RRN3: variants seen among roughly 807,000 people sequenced by gnomAD.
The protein encoded by RRN3 is RNA polymerase I-specific transcription initiation factor RRN3.
RRN3 carries 38 observed loss-of-function variants against 82.3 expected under a neutral mutation model. The ratio of observed to expected loss-of-function variants is 0.46; its 90% CI spans 0.36 to 0.61. The LOEUF is 0.61. Among genes scored for constraint, RRN3 ranks in the 20% least tolerant of loss-of-function variants. The pLI, the probability that RRN3 is intolerant of heterozygous loss-of-function variation, is 0.00. For missense variants in RRN3, 726 were observed against 793.1 expected, an observed-to-expected ratio of 0.92 and a Z score of 1.02; for synonymous variants, 284 against 284.3, an observed-to-expected ratio of 1.00 and a Z score of 0.01.
intron 1 of RRN3, among the ~76,000 whole-genome samples, chr16:15,093,010 ATTTTT>A (rs557028723): frequency 2.0e-5 from 3 of 148,286 alleles, no homozygotes; most frequent in Non-Finnish European, 3.0e-5. Context: ...ACGTGGCTGG[ATTTTT>A]TTTTTTGAGA....
At chr16:15,071,702 A>C (rs1250109148) in intron 12 of RRN3, among the ~76,000 whole-genome samples, 1 of 152,220 alleles carries the variant, frequency 6.6e-6, no homozygotes, top group Non-Finnish European at 1.5e-5. Context: ...CAGGAGGCAG[A>C]GGTTGCAGTG....
At chr16:15,077,918 C>A (rs1221672761) in intron 9 of RRN3, among the ~76,000 whole-genome samples, 1 of 152,190 alleles carries the variant, frequency 6.6e-6, no homozygotes. Flanking sequence ...TGGACTAATA[C>A]AATCTCTATG....
chr16:15,087,316 A>G (rs565753359), intron 3 of RRN3, among the ~76,000 whole-genome samples: 27 of 152,308 alleles, frequency 1.8e-4, no homozygotes, highest in African/African-American at 5.5e-4. Context: ...CTAATCCTAA[A>G]AACTCTGCAA....
Position 15,086,211 on chromosome 16 carries a change from C to T in RRN3, c.390G>A (p.Leu130=), listed in dbSNP as rs1567220135. Residue 130 remains leucine (L), a synonymous_variant, in exon 5 of 18, where the codon TTG becomes TTA. Transcript: ENST00000198767. ...NRSQTVVEEY[L]AFLGNLVSAQ... is the part of the protein sequence containing the mutation. ...CTGATACAAGATTACCAAGAAAAGCCAAATACTCTTCCACTACTGTTTGAC... is the reference window on the plus strand; with the variant it reads ...CTGATACAAGATTACCAAGAAAAGCTAAATACTCTTCCACTACTGTTTGAC... The T allele has an allele frequency of 3.8e-6, 6 of 1,587,178 alleles. No homozygotes were observed. Among genetic ancestry groups the T allele is most frequent in the Non-Finnish European group, 4.3e-6 (5 of 1,160,112 alleles).
In RRN3 at chr16:15,075,006, T is replaced by G. The variant is rs549035840; in HGVS notation, c.859-145A>C. ...GGCTCACATCTATAAGCCCAGCACT[T>G]TGGGAAGCAGAGGTGGGGGGATCAC... On this transcript the variant is annotated intron_variant, in intron 10 of 17. Transcript: ENST00000198767. The G allele has an allele frequency of 3.8e-5, 31 of 806,910 alleles. No homozygotes were observed. In the East Asian group the frequency reaches 8.7e-4, roughly 23 times the overall value. 50.0% of individuals were successfully genotyped at this position (806,910 alleles called of 1,614,324 possible).
chr16:15,063,114 A>G (rs2941259), intron 17 of RRN3, 82 bp downstream of exon 17: 767,817 of 1,065,064 alleles, frequency 0.72, 281,129 homozygotes, highest in Middle Eastern at 0.78. Flanking sequence ...ACACGCACGA[A>G]CGACTTGCCA....
chr16:15,087,156 G>C (rs1273810413), intron 3 of RRN3, among the ~76,000 whole-genome samples: 2 of 152,006 alleles, frequency 1.3e-5, no homozygotes, highest in African/African-American at 4.8e-5. Context: ...AAACCATTAA[G>C]AAAAAGCCCC....
chr16:15,085,564 C>T (rs189668309), intron 6 of RRN3, 75 bp downstream of exon 6: 20 of 1,575,866 alleles, frequency 1.3e-5, no homozygotes, highest in Middle Eastern at 1.7e-4. Flanking sequence ...GTGATCCTCC[C>T]GTCTTGGCTT....
chr16:15,062,136 G>C (rs192397130), intron 17 of RRN3, among the ~76,000 whole-genome samples: 3 of 152,202 alleles, frequency 2.0e-5, no homozygotes, highest in African/African-American at 7.2e-5. Context: ...GCAACATAGC[G>C]AGACCATGTC....
intron 1 of RRN3, among the ~76,000 whole-genome samples, chr16:15,093,159 C>T (rs760643447): frequency 6.6e-6 from 1 of 152,156 alleles, no homozygotes; most frequent in Non-Finnish European, 1.5e-5. Context: ...CACCTGCCAC[C>T]ATGCCCGGCT....
intron 1 of RRN3, chr16:15,093,925 G>A: frequency 1.8e-6 from 1 of 548,388 alleles, no homozygotes; most frequent in South Asian, 2.4e-5. Context: ...CGGGAAAGGG[G>A]GCCTCCAGAA....
Position 15,094,196 on chromosome 16 carries a change from T to C in RRN3, c.38A>G (p.Asp13Gly), listed in dbSNP as rs2046259941. The change falls in exon 1 of 18, where the codon GAT becomes GGT. Residue 13 changes from aspartate (D) to glycine (G), a missense_variant. Around this residue, in one of 4 missense-constraint regions of RRN3, gnomAD observed 135 missense variants for 87.4 expected, o/e 1.55. Transcript: ENST00000198767. The part of the protein sequence containing the change: ...APLLHTRLPG[D>G]AAASSSAVKK... The stretch of plus-strand genomic sequence containing the variant: ...AACTGCAGAGGACGAAGCGGCCGCA[T>C]CTCCCGGCAAACGCGTGTGAAGCAG... The C allele has an allele frequency of 6.2e-7, 1 of 1,600,432 alleles. No homozygotes were observed. The highest frequency in any genetic ancestry group is 1.3e-5 in the African/African-American group (1 of 74,922).
chr16:15,068,749 TC>T (rs2045092077), intron 14 of RRN3, among the ~76,000 whole-genome samples: 2 of 152,202 alleles, frequency 1.3e-5, no homozygotes, highest in Admixed American at 1.3e-4. Context: ...ACAAGAAAAC[TC>T]CAAATTTGCC....
chr16:15,066,401 G>C (rs538013753), intron 15 of RRN3, among the ~76,000 whole-genome samples: 8 of 152,246 alleles, frequency 5.3e-5, no homozygotes, highest in Admixed American at 2.6e-4. Context: ...GGGAGGTTGA[G>C]GCAGGCGGTT....
chr16:15,089,582 C>G lies in RRN3; in HGVS notation c.252+1733G>C, dbSNP rs77808777. Reference sequence around the variant, plus strand: ...TTGGGAGGCCAAGGCGGGCGGATCACGAGGTCAGAAGATCGAGACCATCCT... The same window carrying G: ...TTGGGAGGCCAAGGCGGGCGGATCAGGAGGTCAGAAGATCGAGACCATCCT... On this transcript the variant is annotated intron_variant, in intron 3 of 17. Coordinates refer to ENST00000198767, the MANE Select transcript of RRN3 (RefSeq NM_018427.5). 2.0e-5 allele frequency among the ~76,000 whole-genome samples: 3 copies of G among 151,306 alleles called. No homozygotes were observed. The South Asian group carries it at 6.3e-4, about 32-fold the overall frequency.
intron 4 of RRN3, 48 bp from the exon 5 acceptor site, chr16:15,086,306 T>C: frequency 6.2e-7 from 1 of 1,603,384 alleles, no homozygotes; most frequent in Non-Finnish European, 8.5e-7. Flanking sequence ...TAATATAACA[T>C]ATACTATTAC....
At chr16:15,064,931 C>T (rs980612335) in intron 16 of RRN3, among the ~76,000 whole-genome samples, 10 of 152,312 alleles carry the variant, frequency 6.6e-5, no homozygotes, top group African/African-American at 2.4e-4. Context: ...CTTTGGGAGG[C>T]CGAGGCGGGC....
Position 15,071,209 on chromosome 16 carries a change from G to C in RRN3, c.1171C>G (p.Gln391Glu). ...AFLEHLWKKL[Q>E]DPSNPAIIRQ... The stretch of plus-strand genomic sequence containing the variant: ...ATGATGGCAGGATTACTTGGGTCCT[G>C]CAATTTTTTCCAGAGATGTTCCAAA... The change falls in exon 13 of 18, where the codon CAG becomes GAG. Residue 391 changes from glutamine (Q) to glutamate (E), a missense_variant. Transcript: ENST00000198767. 1 of 1,610,858 alleles carries C rather than the reference G, an allele frequency of 6.2e-7. No homozygotes were observed. Among genetic ancestry groups the C allele is most frequent in the South Asian group, 1.1e-5 (1 of 90,632 alleles).
Position 15,061,466 on chromosome 16 carries a change from T to G in RRN3, c.*278A>C. The G allele has an allele frequency of 2.7e-6, 1 of 370,440 alleles. No individual in the cohort carries two copies. Among genetic ancestry groups the G allele is most frequent in the Admixed American group, 4.5e-5 (1 of 22,278 alleles). The allele number at this position is 370,440 out of a possible 1,614,324, so 22.9% of individuals were successfully genotyped here. A position where few individuals can be genotyped will look rare whatever the true frequency, so the allele number is the denominator to read the frequency against. ...GTCAAAAAGCTGTTAACACAAAAAA[T>G]GTACATATTAAACAAGCAAATCCTT... On this transcript the variant is annotated 3_prime_UTR_variant, in exon 18 of 18. Transcript: ENST00000198767.
Sources: allele counts gnomAD v4.1 joint callset (sites outside exome capture counted in the v4.1 genomes callset), GRCh38; gene constraint gnomAD v4.1.1; regional missense constraint gnomAD v4.1.1; transcripts MANE v1.5; gene names NCBI Gene and HGNC (gene_info 2026-07-23, HGNC 2026-07-21).